The following MRTFA variants were observed in gnomAD, a reference collection of about 807,000 sequenced individuals.
The protein encoded by MRTFA is myocardin related transcription factor A, also known as myocardin-related transcription factor A.
MRTFA carries 20 observed loss-of-function variants against 83.5 expected under a neutral mutation model. The ratio of observed to expected loss-of-function variants is 0.24; its 90% CI spans 0.17 to 0.35. The LOEUF is 0.35. MRTFA is among the 10% of genes least tolerant of loss of function. MRTFA has a pLI of 1.00. For synonymous variants in MRTFA, 659 were observed against 541.2 expected (o/e 1.22, Z -3.02); for missense variants, 1,200 against 1,224.7 (o/e 0.98, Z 0.30).
At position 40,418,827 on chromosome 22, in the gene MRTFA, C is replaced by G; in HGVS notation, c.1911G>C (p.Leu637=). 6.2e-7 allele frequency: 1 copy of G among 1,611,278 alleles called. No homozygotes were observed. The highest frequency in any genetic ancestry group is 8.5e-7 in the Non-Finnish European group (1 of 1,179,742). Residue 637 remains leucine, a synonymous_variant, in exon 12 of 15, where the codon CTG becomes CTC. Transcript: ENST00000355630. ...GCTGCTTCTGCCGGAGCATGCGCGT[C>G]AGCGCCTCGATCTGCTTGTCTTTCT...
chr22:40,545,051 T>C (rs1457930357), intron 3 of MRTFA, among the ~76,000 whole-genome samples: 3 of 151,866 alleles, frequency 2.0e-5, no homozygotes, highest in Non-Finnish European at 4.4e-5. Context: ...ATAAAATAAC[T>C]GGTATATATA....
intron 2 of MRTFA, among the ~76,000 whole-genome samples, chr22:40,560,083 C>G (rs1490573362): frequency 1.1e-4 from 16 of 151,982 alleles, no homozygotes; most frequent in Admixed American, 1.0e-3. Flanking sequence ...TTTAAAACAC[C>G]AATATTAAAC....
intron 3 of MRTFA, among the ~76,000 whole-genome samples, chr22:40,469,307 C>T (rs888392175): frequency 4.6e-5 from 7 of 152,086 alleles, no homozygotes; most frequent in African/African-American, 1.2e-4. Flanking sequence ...GTGCCCTCCC[C>T]GCAAGTAATG....
chr22:40,583,561 G>A (rs753785607), intron 2 of MRTFA, among the ~76,000 whole-genome samples: 18 of 152,218 alleles, frequency 1.2e-4, no homozygotes, highest in Non-Finnish European at 2.5e-4. Context: ...TCCATGGCCT[G>A]TTAGGAACCA....
chr22:40,623,293 C>G (rs1159943182), intron 1 of MRTFA, among the ~76,000 whole-genome samples: 1 of 151,394 alleles, frequency 6.6e-6, no homozygotes, highest in African/African-American at 2.4e-5. Context: ...ATTCTCAAAG[C>G]AGGCCAAAAT....
At chr22:40,493,206 C>G (rs2054297704) in intron 3 of MRTFA, among the ~76,000 whole-genome samples, 1 of 152,206 alleles carries the variant, frequency 6.6e-6, no homozygotes, top group Non-Finnish European at 1.5e-5. Context: ...CACCATGACA[C>G]TGGCATTTCC....
chr22:40,610,887 T>C (rs895843197), intron 1 of MRTFA, among the ~76,000 whole-genome samples: 5 of 151,632 alleles, frequency 3.3e-5, no homozygotes, highest in Admixed American at 2.0e-4. Flanking sequence ...AAATTTGAGA[T>C]TGGATGATTC....
In MRTFA at chr22:40,584,686, C is replaced by T. The variant is rs1476207280; in HGVS notation, c.-22+9988G>A. ...CAGAGGTTGTGGTGAGCCAAAATCG[C>T]ACCATTGCACTCCAACCTGGGCAAC... On this transcript the variant is annotated intron_variant, in intron 2 of 14. Coordinates refer to ENST00000355630, the MANE Select transcript of MRTFA (RefSeq NM_020831.6). Among the ~76,000 whole-genome samples the T allele has an allele frequency of 2.0e-5, 3 of 147,556 alleles. No homozygotes were observed. The East Asian group carries it at 6.1e-4, about 30-fold the overall frequency.
intron 3 of MRTFA, among the ~76,000 whole-genome samples, chr22:40,495,853 G>C (rs540474400): frequency 1.4e-3 from 206 of 151,148 alleles, no homozygotes; most frequent in Non-Finnish European, 1.4e-3. Context: ...GAATCACGAA[G>C]TCAGGAATTC....
Position 40,525,767 on chromosome 22 carries a change from A to C in MRTFA, c.241+26339T>G, listed in dbSNP as rs567506127. Among the ~76,000 whole-genome samples the C allele has an allele frequency of 7.9e-5, 12 of 152,240 alleles. No individual in the cohort carries two copies. The South Asian group carries it at 2.5e-3, about 32-fold the overall frequency. On this transcript the variant is annotated intron_variant, in intron 3 of 14. Coordinates refer to ENST00000355630, the MANE Select transcript of MRTFA (RefSeq NM_020831.6). ...ACATACTTAACCTAAAAAATATCCT[A>C]ATGATTTTGCTAAATCACCCATTCA...
At chr22:40,623,220 A>G (rs1256111430) in intron 1 of MRTFA, among the ~76,000 whole-genome samples, 1 of 152,142 alleles carries the variant, frequency 6.6e-6, no homozygotes, top group African/African-American at 2.4e-5. Flanking sequence ...TCCTCTATTC[A>G]TTGCCCTCCC....
chr22:40,515,509 A>G (rs184536435), intron 3 of MRTFA, among the ~76,000 whole-genome samples: 23 of 152,076 alleles, frequency 1.5e-4, no homozygotes, highest in African/African-American at 5.5e-4. Flanking sequence ...GCCTGGCAAT[A>G]GAGCAAAACC....
At chr22:40,447,933 T>C (rs765041126) in intron 4 of MRTFA, among the ~76,000 whole-genome samples, 25 of 152,054 alleles carry the variant, frequency 1.6e-4, no homozygotes, top group Non-Finnish European at 2.6e-4. Flanking sequence ...CCCGGTGTGG[T>C]TGTAATTCCA....
chr22:40,412,228 C>T (rs2052571524), intron 14 of MRTFA: 1 of 192,402 alleles, frequency 5.2e-6, no homozygotes, highest in African/African-American at 2.3e-5. Flanking sequence ...GCCAACAGCA[C>T]ATGAAAAGAG....
intron 3 of MRTFA, among the ~76,000 whole-genome samples, chr22:40,503,022 ACAGGGAAACCAG>A (rs964622946): frequency 1.3e-5 from 2 of 151,964 alleles, no homozygotes; most frequent in African/African-American, 4.8e-5. Flanking sequence ...TCATCTACGC[ACAGGGAAACCAG>A]CAGCTAGTAA....
intron 3 of MRTFA, among the ~76,000 whole-genome samples, chr22:40,492,247 G>C (rs780814699): frequency 6.6e-6 from 1 of 152,136 alleles, no homozygotes; most frequent in Non-Finnish European, 1.5e-5. Flanking sequence ...GTTAAAGTGG[G>C]CACTTCATTC....
At chr22:40,429,386 T>C (rs968859811) in intron 7 of MRTFA, 5 of 678,940 alleles carry the variant, frequency 7.4e-6, no homozygotes, top group Non-Finnish European at 5.4e-6. Flanking sequence ...TTATTATTTA[T>C]TGTTGTATGT....
At chr22:40,587,063 G>A (rs937791863) in intron 2 of MRTFA, 16 of 466,660 alleles carry the variant, frequency 3.4e-5, no homozygotes, top group Non-Finnish European at 7.0e-5. Flanking sequence ...GGTTTTCCAG[G>A]AGGTTTGTCC....
chr22:40,571,701 G>A (rs574405109), intron 2 of MRTFA, among the ~76,000 whole-genome samples: 4 of 151,628 alleles, frequency 2.6e-5, no homozygotes, highest in Non-Finnish European at 4.4e-5. Flanking sequence ...AGTCGATCAC[G>A]AGACCAGGAG....
Sources: allele counts gnomAD v4.1 joint callset (sites outside exome capture counted in the v4.1 genomes callset), GRCh38; gene constraint gnomAD v4.1.1; transcripts MANE v1.5; gene names NCBI Gene and HGNC (gene_info 2026-07-23, HGNC 2026-07-21).